The following MTCL1 variants were observed in gnomAD, a reference collection of about 807,000 sequenced individuals.
The protein encoded by MTCL1 is microtubule cross-linking factor 1.
MTCL1 carries 79 observed loss-of-function variants against 141.4 expected under a neutral mutation model. That is an observed-to-expected ratio of 0.56 (90% CI 0.47 to 0.67). The LOEUF (loss-of-function observed/expected upper bound fraction) is 0.67, where lower values mean the gene tolerates loss of function less well. MTCL1 is among the 30% of genes least tolerant of loss of function. The probability of loss-of-function intolerance (pLI) is 0.00; values close to 1 mark genes in which losing one functional copy is unlikely to be tolerated. For missense variants in MTCL1, 2,177 were observed against 2,113.9 expected (o/e 1.03, Z -0.59); for synonymous variants, 914 against 875.8 (o/e 1.04, Z -0.77).
At chr18:8,742,548 C>A (rs1230308839) in intron 4 of MTCL1, among the ~76,000 whole-genome samples, 1 of 152,202 alleles carries the variant, frequency 6.6e-6, no homozygotes, top group Non-Finnish European at 1.5e-5. Context: ...CCTGAGAACT[C>A]ACTCACTATC....
chr18:8,725,220 C>T (rs998810073), intron 4 of MTCL1, among the ~76,000 whole-genome samples: 2 of 152,124 alleles, frequency 1.3e-5, no homozygotes, highest in Admixed American at 1.3e-4. Flanking sequence ...TTCCAGTGAG[C>T]TCAGGTTATT....
chr18:8,804,304 G>A (rs1301421570), intron 10 of MTCL1, among the ~76,000 whole-genome samples: 1 of 144,372 alleles, frequency 6.9e-6, no homozygotes, highest in African/African-American at 2.6e-5. Context: ...CACCTAGACT[G>A]GAGGGCAGTG....
Position 8,785,049 on chromosome 18 carries a change from T to A in MTCL1, c.1731+206T>A, listed in dbSNP as rs1304697646. 2.6e-5 allele frequency among the ~76,000 whole-genome samples: 4 copies of A among 151,788 alleles called. 1 individual carries two copies. The highest frequency in any genetic ancestry group is 5.9e-5 in the Non-Finnish European group (4 of 67,938). On this transcript the variant is annotated intron_variant, in intron 6 of 16. Coordinates refer to ENST00000359865, the Ensembl canonical transcript of MTCL1. The stretch of plus-strand genomic sequence containing the variant: ...TTTTTTTTTTTTAAGTTCTCTTGTA[T>A]TGCCTTGTTTCTTTTTCCTTTCTCC...
At chr18:8,748,944 G>T (rs1390817766) in intron 4 of MTCL1, among the ~76,000 whole-genome samples, 1 of 152,166 alleles carries the variant, frequency 6.6e-6, no homozygotes, top group East Asian at 1.9e-4. Flanking sequence ...GCAGTTTCTT[G>T]TGCACAAGGA....
chr18:8,807,114 G>A (rs2076326297), intron 11 of MTCL1, 54 bp downstream of exon 10: 1 of 1,547,640 alleles, frequency 6.5e-7, no homozygotes, highest in Non-Finnish European at 8.8e-7. Flanking sequence ...TGCTGTCCAG[G>A]ATATGTGGCG....
At chr18:8,818,150 G>GTGC (rs2076721359) in intron 12 of MTCL1, among the ~76,000 whole-genome samples, 1 of 152,174 alleles carries the variant, frequency 6.6e-6, no homozygotes, top group African/African-American at 2.4e-5. Flanking sequence ...GTGAGCCCAC[G>GTGC]TGCACAACCC....
intron 4 of MTCL1, among the ~76,000 whole-genome samples, chr18:8,752,843 T>C (rs1216768044): frequency 6.6e-6 from 1 of 152,186 alleles, no homozygotes; most frequent in Non-Finnish European, 1.5e-5. Flanking sequence ...ACAAGGTGGC[T>C]CTGGGCTTTG....
chr18:8,730,543 G>C (rs768842592), intron 4 of MTCL1, among the ~76,000 whole-genome samples: 7 of 152,236 alleles, frequency 4.6e-5, no homozygotes, highest in Non-Finnish European at 1.0e-4. Flanking sequence ...AAATTGGCCT[G>C]TTTGGTTAGT....
At position 8,830,393 on chromosome 18, in the gene MTCL1, A is replaced by G; in HGVS notation, c.*19-1214A>G. The stretch of plus-strand genomic sequence containing the variant: ...TTTTCTGCTGACCCCAGAGGGAGGC[A>G]GGGAAACCGCTCGCCCCATTGCTCT... On this transcript the variant is annotated intron_variant, in intron 16 of 16. Coordinates refer to ENST00000359865, the Ensembl canonical transcript of MTCL1. This position sits in a 1 kb window ranked among gnomAD's most constrained non-coding sequence, Gnocchi z 6.4. The G allele has an allele frequency of 7.1e-6, 7 of 985,560 alleles. No individual in the cohort carries two copies. Among genetic ancestry groups the G allele is most frequent in the Non-Finnish European group, 8.4e-6 (7 of 830,028 alleles). The allele number at this position is 985,560 out of a possible 1,614,324, so 61.1% of individuals were successfully genotyped here. A position where few individuals can be genotyped will look rare whatever the true frequency, so the allele number is the denominator to read the frequency against.
intron 4 of MTCL1, among the ~76,000 whole-genome samples, chr18:8,751,776 T>C (rs1567977551): frequency 1.3e-5 from 2 of 152,212 alleles, no homozygotes; most frequent in South Asian, 2.1e-4. Context: ...TTTGCTGTTA[T>C]GAAGACTAGA....
At chr18:8,784,800 C>A (rs769099487) in exon 6 of MTCL1, 11 of 1,608,298 alleles carry the variant, frequency 6.8e-6, no homozygotes, top group African/African-American at 5.3e-5. Flanking sequence ...TCCCGGGACT[C>A]CCCCATCGGG....
intron 1 of MTCL1, among the ~76,000 whole-genome samples, chr18:8,710,909 T>C (rs1448460976): frequency 7.1e-6 from 1 of 140,948 alleles, no homozygotes; most frequent in African/African-American, 2.6e-5. Flanking sequence ...TTTATTATAC[T>C]TTAAGTTTTA....
rs563861927 is a variant in MTCL1, at chr18:8,775,872, T to C, written c.358-1961T>C. On this transcript the variant is annotated intron_variant, in intron 4 of 16. Transcript: ENST00000359865. ...TGCTCGGAGGGCCTTCTCTCAGTTA[T>C]CTATTTTATATTTTCCGGGTCTCCA... 3.1e-3 allele frequency among the ~76,000 whole-genome samples: 471 copies of C among 152,310 alleles called. 2 individuals carry two copies. Among genetic ancestry groups the C allele is most frequent in the South Asian group, 0.011 (51 of 4,820 alleles).
At chr18:8,789,827 CTT>C in intron 7 of MTCL1, 1 of 513,438 alleles carries the variant, frequency 1.9e-6, no homozygotes, top group Non-Finnish European at 2.5e-6. Context: ...TCATGTGAAA[CTT>C]TTCTCCAAAT....
intron 4 of MTCL1, among the ~76,000 whole-genome samples, chr18:8,764,524 G>T (rs530356638): frequency 6.6e-6 from 1 of 152,174 alleles, no homozygotes; most frequent in East Asian, 1.9e-4. Flanking sequence ...CACCATGTTG[G>T]CCAGGCTGGT....
chr18:8,784,954 A>G (rs1414773841), intron 6 of MTCL1, 111 bp downstream of exon 5: 4 of 1,010,778 alleles, frequency 4.0e-6, no homozygotes, highest in Non-Finnish European at 5.6e-6. Flanking sequence ...TATGATTTCA[A>G]ACCTGCATTG....
At chr18:8,829,742 G>T (rs1568120996) in intron 16 of MTCL1, 9 of 985,168 alleles carry the variant, frequency 9.1e-6, no homozygotes, top group Non-Finnish European at 1.1e-5. Flanking sequence ...CACAGGGAGG[G>T]TCAATTCCCA....
intron 16 of MTCL1, chr18:8,829,350 G>T (rs2077124841): frequency 2.0e-6 from 2 of 985,360 alleles, no homozygotes; most frequent in East Asian, 1.1e-4. Flanking sequence ...TCAACATTTT[G>T]GTTATACGTG....
rs529731386 is a variant in MTCL1 at position 8,742,298 on chromosome 18, C to T, written c.357+21802C>T. Among the ~76,000 whole-genome samples, 200 of 152,236 alleles carry T rather than the reference C, an allele frequency of 1.3e-3. 1 individual carries two copies. Among genetic ancestry groups the T allele is most frequent in the Non-Finnish European group, 2.5e-3 (169 of 68,016 alleles). On this transcript the variant is annotated intron_variant, in intron 4 of 16. Transcript: ENST00000359865. The stretch of plus-strand genomic sequence containing the variant: ...TTCCCTCTCCTGCTCTCCCTCTCTC[C>T]CTCTCTCCCTCTCTCCCTCTGTATT...
Sources: gnomAD v4.1 joint callset for allele counts (sites outside exome capture counted in the v4.1 genomes callset) on GRCh38, gnomAD v4.1.1 for gene constraint, Gnocchi (gnomAD v3.1) non-coding constraint, MANE v1.5 for transcripts, NCBI Gene and HGNC (gene_info 2026-07-23, HGNC 2026-07-21) for gene names.